Variants in TTLL6 observed in about 807,000 individuals in gnomAD.
TTLL6 encodes tubulin tyrosine ligase like 6.
A neutral mutation model predicts 96.4 loss-of-function variants in TTLL6; 75 were observed. The observed-to-expected ratio is 0.78, with a 90% CI of 0.65 to 0.94. The LOEUF (loss-of-function observed/expected upper bound fraction) is 0.94. Among genes scored for constraint, TTLL6 ranks in the 40% least tolerant of loss-of-function variants. TTLL6 has a pLI of 0.00. For missense variants in TTLL6, 1,030 were observed against 1,093.0 expected, an observed-to-expected ratio of 0.94 and a Z score of 0.81; for synonymous variants, 411 against 419.4, an observed-to-expected ratio of 0.98 and a Z score of 0.24.
rs115840021 is a variant in TTLL6 at position 48,794,673 on chromosome 17, C to T, written c.998+1388G>A. Among the ~76,000 whole-genome samples, 1,204 of 152,288 alleles carry T rather than the reference C, an allele frequency of 7.9e-3. 20 individuals carry two copies. The highest frequency in any genetic ancestry group is 0.028 in the African/African-American group (1,156 of 41,536). ...TCTGGAAAAGGGGGAGACTGCCTCC[C>T]ACCAGCCTTCCACATCCCCTTTAAG... is the stretch of plus-strand genomic sequence containing the variant. On this transcript the variant is annotated intron_variant, in intron 8 of 15. Transcript: ENST00000393382.
intron 1 of TTLL6, chr17:48,806,208 G>GCT (rs1471307369): frequency 6.6e-6 from 1 of 152,350 alleles, no homozygotes; most frequent in Non-Finnish European, 1.5e-5. Flanking sequence ...AGAAGGCAGA[G>GCT]GTTGCAGTGA....
At chr17:48,778,791 G>A (rs937676818) in intron 13 of TTLL6, among the ~76,000 whole-genome samples, 16 of 151,906 alleles carry the variant, frequency 1.1e-4, no homozygotes, top group African/African-American at 1.9e-4. Flanking sequence ...TTAGCTGGGC[G>A]TGGTGGTGCT....
At chr17:48,774,330 A>AT (rs2038828285) in intron 13 of TTLL6, among the ~76,000 whole-genome samples, 1 of 146,222 alleles carries the variant, frequency 6.8e-6, no homozygotes, top group Non-Finnish European at 1.5e-5. Context: ...CGCCCAGCTA[A>AT]TTTTTTGTAT....
At chr17:48,794,339 G>C in intron 8 of TTLL6, 1 of 1,588,602 alleles carries the variant, frequency 6.3e-7, no homozygotes, top group Non-Finnish European at 8.6e-7. Flanking sequence ...AAAAATGACA[G>C]TAACCACGCA....
At chr17:48,774,082 C>CAAAA (rs1159647645) in intron 13 of TTLL6, among the ~76,000 whole-genome samples, 17 of 46,088 alleles carry the variant, frequency 3.7e-4, no homozygotes, top group Non-Finnish European at 6.2e-4. Context: ...AACTCCATCT[C>CAAAA]AAAAAAAACA....
intron 13 of TTLL6, among the ~76,000 whole-genome samples, chr17:48,777,049 C>CACACACACACA (rs55732600): frequency 2.0e-5 from 3 of 147,608 alleles, no homozygotes; most frequent in South Asian, 2.2e-4. Context: ...CACACACACA[C>CACACACACACA]CCCTAAAAAA....
chr17:48,816,040 G>A (rs1003994523), intron 1 of TTLL6, among the ~76,000 whole-genome samples: 4 of 152,182 alleles, frequency 2.6e-5, no homozygotes, highest in Non-Finnish European at 5.9e-5. Flanking sequence ...TAAGTAAAAT[G>A]GGGATGATAA....
At chr17:48,765,202 A>G (rs1435542498) in intron 15 of TTLL6, among the ~76,000 whole-genome samples, 1 of 152,172 alleles carries the variant, frequency 6.6e-6, no homozygotes, top group African/African-American at 2.4e-5. Context: ...GTTTGAGGGC[A>G]GGAGTTCAAG....
intron 1 of TTLL6, among the ~76,000 whole-genome samples, chr17:48,811,068 CT>C (rs35618180): frequency 0.24 from 26,572 of 110,338 alleles, 2,254 homozygotes; most frequent in East Asian, 0.6. Context: ...TATTATTTTT[CT>C]TTTTTTTTTT....
chr17:48,783,750 T>C (rs779685016), intron 13 of TTLL6, among the ~76,000 whole-genome samples: 13 of 152,194 alleles, frequency 8.5e-5, no homozygotes, highest in Non-Finnish European at 1.8e-4. Flanking sequence ...TTAAATTTTA[T>C]TGGTGCTATT....
intron 13 of TTLL6, 120 bp downstream of exon 13, chr17:48,784,803 A>G: frequency 1.3e-6 from 1 of 743,026 alleles, no homozygotes; most frequent in Non-Finnish European, 2.2e-6. Flanking sequence ...TCAAGGGGAG[A>G]CACCAAGGCC....
At chr17:48,810,796 ACATATATACACATATATAG>A (rs2039571687) in intron 1 of TTLL6, among the ~76,000 whole-genome samples, 1 of 63,782 alleles carries the variant, frequency 1.6e-5, no homozygotes, top group East Asian at 2.8e-4. Context: ...TATATATAGT[ACATATATACACATATATAG>A]TATGTGTGTG....
chr17:48,785,352 G>T, intron 12 of TTLL6, 151 bp from the exon 13 acceptor site: 1 of 1,136,900 alleles, frequency 8.8e-7, no homozygotes, highest in South Asian at 1.6e-5. Context: ...TCTCAACTTG[G>T]AATTCTGGGA....
chr17:48,792,158 C>T (rs1378156458), intron 8 of TTLL6, among the ~76,000 whole-genome samples: 2 of 152,248 alleles, frequency 1.3e-5, no homozygotes, highest in African/African-American at 4.8e-5. Flanking sequence ...CTGGACTGTC[C>T]CAGTTTTAGA....
At position 48,786,306 on chromosome 17, in the gene TTLL6, C is replaced by A; in HGVS notation, c.1619G>T (p.Arg540Leu). Residue 540 changes from arginine (R) to leucine (L), a missense_variant, in exon 12 of 16, where the codon CGG (arginine) becomes CTG (leucine). Physicochemically the swap from Arg to Leu is moderately radical, Grantham distance 102. Transcript: ENST00000393382. ...CTTCATTTGGAAGGGCTTTTTCTCC[C>A]GTTTTAGTCTCAGCTCCTGGATCAG... ...RQLIQELRLK[R>L]EKKPFQMKKK... The A allele has an allele frequency of 6.2e-7, 1 of 1,614,224 alleles. No individual in the cohort carries two copies. Among genetic ancestry groups the A allele is most frequent in the Non-Finnish European group, 8.5e-7 (1 of 1,180,054 alleles).
chr17:48,803,482 TCAAAAAAAAAAA>T (rs1227775455), intron 3 of TTLL6, among the ~76,000 whole-genome samples: 28 of 128,250 alleles, frequency 2.2e-4, no homozygotes, highest in Admixed American at 4.9e-4. Flanking sequence ...AGATTCCGTG[TCAAAAAAAAAAA>T]CAAAAAAAAA....
chr17:48,801,159 A>G, intron 5 of TTLL6, 96 bp downstream of exon 5: 3 of 1,118,594 alleles, frequency 2.7e-6, no homozygotes, highest in African/African-American at 1.5e-5. Flanking sequence ...GGGAGTTCAT[A>G]TGGGCAGGGA....
At position 48,801,620 on chromosome 17, in the gene TTLL6, C is replaced by G; in HGVS notation, c.385G>C (p.Gly129Arg). Residue 129 changes from glycine to arginine, a missense_variant, in exon 4 of 16, where the codon GGC (glycine) becomes CGC (arginine). Transcript: ENST00000393382. ...ESVRRAAQQY[G>R]FREGGEDDDW... The stretch of plus-strand genomic sequence containing the variant: ...TCGTCTTCCCCTCCCTCTCTAAAGC[C>G]GTACTGTTGGGCAGCCCTGCGCACT... 6.4e-7 allele frequency: 1 copy of G among 1,551,652 alleles called. No homozygotes were observed. Among genetic ancestry groups the G allele is most frequent in the Non-Finnish European group, 8.7e-7 (1 of 1,146,992 alleles).
intron 13 of TTLL6, among the ~76,000 whole-genome samples, chr17:48,772,783 G>A (rs2038775036): frequency 6.6e-6 from 1 of 150,666 alleles, no homozygotes; most frequent in Admixed American, 6.6e-5. Flanking sequence ...TCAAAAGTTG[G>A]GAATCTAAGC....
Sources: gnomAD v4.1 joint callset for allele counts (sites outside exome capture counted in the v4.1 genomes callset) on GRCh38, gnomAD v4.1.1 for gene constraint, MANE v1.5 for transcripts, NCBI Gene and HGNC (gene_info 2026-07-23, HGNC 2026-07-21) for gene names.